RRAS2: variants seen among roughly 807,000 people sequenced by gnomAD.
RRAS2 encodes RAS related 2, also known as ras-related protein R-Ras2.
In RRAS2, 7 loss-of-function variants were observed where a neutral mutation model predicts 27.6. That is an observed-to-expected ratio of 0.25 (90% CI 0.14 to 0.48). The LOEUF (loss-of-function observed/expected upper bound fraction) is 0.48. Among genes scored for constraint, RRAS2 ranks in the 20% least tolerant of loss-of-function variants. The pLI is 0.99. For missense variants in RRAS2, 178 were observed against 256.2 expected (o/e 0.69, Z 2.08); for synonymous variants, 86 against 90.9 (o/e 0.95, Z 0.31).
At chr11:14,290,987 T>C (rs782719441) in intron 4 of RRAS2, among the ~76,000 whole-genome samples, 8 of 152,170 alleles carry the variant, frequency 5.3e-5, no homozygotes, top group Non-Finnish European at 1.0e-4. Context: ...GCTGGGGTAA[T>C]GTCCATGAGT....
intron 1 of RRAS2, among the ~76,000 whole-genome samples, chr11:14,310,233 C>T (rs1847928407): frequency 6.6e-6 from 1 of 152,144 alleles, no homozygotes; most frequent in African/African-American, 2.4e-5. Context: ...AGGAAGAATA[C>T]AGAGTGGTTT....
In RRAS2 at chr11:14,358,566, G is replaced by A; in HGVS notation, c.108+197C>T. 1.0e-6 allele frequency: 1 copy of A among 986,236 alleles called. No homozygotes were observed. The highest frequency in any genetic ancestry group is 1.2e-6 in the Non-Finnish European group (1 of 830,730). 61.1% of individuals were successfully genotyped at this position (986,236 alleles called of 1,614,324 possible). Reference sequence around the variant, plus strand: ...AGAAGCCCTACTCCCGCGACGCCGCGCCCGGGAGGAGGCAGGAGCGCGACG... The same window carrying A: ...AGAAGCCCTACTCCCGCGACGCCGCACCCGGGAGGAGGCAGGAGCGCGACG... On this transcript the variant is annotated intron_variant, in intron 1 of 5. Coordinates refer to ENST00000256196, the MANE Select transcript of RRAS2 (RefSeq NM_012250.6). This position sits in a 1 kb window ranked among gnomAD's most constrained non-coding sequence, Gnocchi z 5.1.
At chr11:14,284,203 G>A (rs1261590416) in intron 4 of RRAS2, among the ~76,000 whole-genome samples, 1 of 151,910 alleles carries the variant, frequency 6.6e-6, no homozygotes, top group Non-Finnish European at 1.5e-5. Flanking sequence ...TTCTTTAGTA[G>A]CATGCTATAA....
At chr11:14,291,462 A>G (rs782687507) in intron 4 of RRAS2, among the ~76,000 whole-genome samples, 2 of 152,198 alleles carry the variant, frequency 1.3e-5, no homozygotes, top group Non-Finnish European at 2.9e-5. Context: ...AAACTAAGCA[A>G]TCAGATTTCA....
chr11:14,296,028 T>A (rs1847540157), intron 1 of RRAS2, among the ~76,000 whole-genome samples, 173 bp from the exon 2 acceptor site: 1 of 151,442 alleles, frequency 6.6e-6, no homozygotes, highest in Non-Finnish European at 1.5e-5. Flanking sequence ...ATTAAAAAAT[T>A]AAAAAATTAG....
At chr11:14,323,045 AGAG>A (rs1485132930) in intron 1 of RRAS2, among the ~76,000 whole-genome samples, 9 of 152,234 alleles carry the variant, frequency 5.9e-5, no homozygotes, top group African/African-American at 1.7e-4. Context: ...AACTACAGCT[AGAG>A]GAGACATTTA....
At chr11:14,347,701 C>T (rs1848866352) in intron 1 of RRAS2, among the ~76,000 whole-genome samples, 1 of 151,938 alleles carries the variant, frequency 6.6e-6, no homozygotes, top group Non-Finnish European at 1.5e-5. Context: ...CTGTAGTGCC[C>T]GCGCTTTGGC....
At position 14,325,176 on chromosome 11, in the gene RRAS2, G is replaced by A. The variant is rs186935213; in HGVS notation, c.109-29321C>T. The stretch of plus-strand genomic sequence containing the variant: ...GCCCTCAAACTTACCCTGATGTGAA[G>A]CCTTGCTTCACCACTTCCCAGCTTT... On this transcript the variant is annotated intron_variant, in intron 1 of 5. Transcript: ENST00000256196. Among the ~76,000 whole-genome samples the A allele has an allele frequency of 7.2e-5, 11 of 152,282 alleles. No homozygotes were observed. The East Asian group carries it at 2.1e-3, about 29-fold the overall frequency.
intron 1 of RRAS2, among the ~76,000 whole-genome samples, chr11:14,328,343 G>C (rs565805998): frequency 1.9e-3 from 207 of 109,338 alleles, no homozygotes; most frequent in African/African-American, 6.2e-3. Context: ...TCCAGCCTGG[G>C]CAAGAAGAGC....
intron 1 of RRAS2, among the ~76,000 whole-genome samples, chr11:14,296,828 A>G (rs77144771): frequency 7.3e-5 from 11 of 151,470 alleles, no homozygotes; most frequent in East Asian, 1.9e-4. Context: ...CATAAAAAAA[A>G]GGGGGGGGAC....
In RRAS2 at chr11:14,357,181, T is replaced by A. The variant is rs149302367; in HGVS notation, c.108+1582A>T. ...TTAACATGGGCTCAAATAATTCAGA[T>A]GGCCCCTTCCTCAAAAAAACGTAAA... On this transcript the variant is annotated intron_variant, in intron 1 of 5. Transcript: ENST00000256196. Among the ~76,000 whole-genome samples, 551 of 152,254 alleles carry A rather than the reference T, an allele frequency of 3.6e-3. 4 individuals are homozygous for A. Among genetic ancestry groups the A allele is most frequent in the African/African-American group, 0.013 (522 of 41,528 alleles).
chr11:14,355,686 T>TC (rs1220544822), intron 1 of RRAS2, among the ~76,000 whole-genome samples: 2 of 152,226 alleles, frequency 1.3e-5, no homozygotes, highest in African/African-American at 4.8e-5. Flanking sequence ...TATATTTTTT[T>TC]CTGCTCAAAA....
chr11:14,279,952 A>G (rs1849476898), intron 5 of RRAS2, among the ~76,000 whole-genome samples: 1 of 152,208 alleles, frequency 6.6e-6, no homozygotes, highest in African/African-American at 2.4e-5. Context: ...GGCATTAAAA[A>G]CAAAACAAAC....
intron 1 of RRAS2, chr11:14,356,683 T>C (rs535830199): frequency 2.3e-6 from 1 of 426,798 alleles, no homozygotes; most frequent in East Asian, 7.2e-5. Flanking sequence ...TCCTCATACA[T>C]ACCTGCTTCC....
intron 1 of RRAS2, among the ~76,000 whole-genome samples, chr11:14,323,864 AG>A (rs1253628895): frequency 2.6e-5 from 4 of 152,160 alleles, no homozygotes; most frequent in Admixed American, 2.6e-4. Context: ...CCAGAAATTC[AG>A]GAACAGAATA....
intron 2 of RRAS2, 129 bp downstream of exon 2, chr11:14,295,639 T>C (rs2133963188): frequency 7.6e-6 from 5 of 662,006 alleles, no homozygotes; most frequent in Non-Finnish European, 1.2e-5. Flanking sequence ...TCAAAACTTA[T>C]AAATGACATG....
rs1373756660 is a variant in RRAS2 at position 14,278,717 on chromosome 11, A to C, written c.*620T>G. 1 of 152,428 alleles carries C rather than the reference A, an allele frequency of 6.6e-6. No homozygotes were observed. Among genetic ancestry groups the C allele is most frequent in the African/African-American group, 2.4e-5 (1 of 41,470 alleles). 9.4% of individuals were successfully genotyped at this position (152,428 alleles called of 1,614,324 possible). The stretch of plus-strand genomic sequence containing the variant: ...CAAATATTTGACCACATAGAATATT[A>C]TCATCTCCAAGAGTAGGAGTAGTAA... On this transcript the variant is annotated 3_prime_UTR_variant, in exon 6 of 6. Coordinates refer to ENST00000256196, the MANE Select transcript of RRAS2 (RefSeq NM_012250.6).
chr11:14,305,564 C>T (rs1436219561), intron 1 of RRAS2, among the ~76,000 whole-genome samples: 5 of 152,300 alleles, frequency 3.3e-5, no homozygotes, highest in Non-Finnish European at 4.4e-5. Flanking sequence ...CAATAGCTTT[C>T]CCTGGGTTTA....
intron 1 of RRAS2, among the ~76,000 whole-genome samples, chr11:14,314,518 T>C (rs1219131805): frequency 1.3e-5 from 2 of 152,196 alleles, no homozygotes; most frequent in Admixed American, 6.5e-5. Context: ...CTAATGTTCT[T>C]CCACATTTCC....
Sources: allele counts gnomAD v4.1 joint callset (sites outside exome capture counted in the v4.1 genomes callset), GRCh38; gene constraint gnomAD v4.1.1; non-coding constraint Gnocchi (gnomAD v3.1); transcripts MANE v1.5; gene names NCBI Gene and HGNC (gene_info 2026-07-23, HGNC 2026-07-21).